The following WWOX variants were observed in gnomAD, a reference collection of about 807,000 sequenced individuals.
WWOX encodes WW domain containing oxidoreductase.
In WWOX, 69 loss-of-function variants were observed where a neutral mutation model predicts 46.2. That is an observed-to-expected ratio of 1.49 (90% CI 1.23 to 1.82). The LOEUF (loss-of-function observed/expected upper bound fraction) is 1.82. Among genes scored for constraint, WWOX ranks in the 40% most tolerant of loss-of-function variants. The pLI, the probability that WWOX is intolerant of heterozygous loss-of-function variation, is 0.00. For missense variants in WWOX, 919 were observed against 542.6 expected (o/e 1.69, Z -6.89); for synonymous variants, 359 against 202.6 (o/e 1.77, Z -6.56).
At chr16:78,387,960 A>G (rs922036219) in intron 6 of WWOX, among the ~76,000 whole-genome samples, 1 of 152,022 alleles carries the variant, frequency 6.6e-6, no homozygotes, top group Non-Finnish European at 1.5e-5. Context: ...CAGTGTTGCA[A>G]GCAGATGAAG....
intron 6 of WWOX, among the ~76,000 whole-genome samples, chr16:78,420,339 C>G (rs1176356704): frequency 6.6e-6 from 1 of 152,086 alleles, no homozygotes; most frequent in Non-Finnish European, 1.5e-5. Context: ...AGTGATATTC[C>G]TAATAGCCAA....
intron 5 of WWOX, among the ~76,000 whole-genome samples, chr16:78,181,890 T>A (rs1474696876): frequency 2.0e-5 from 3 of 152,166 alleles, no homozygotes; most frequent in Non-Finnish European, 2.9e-5. Context: ...AAGGTCTTTA[T>A]TTAAGGAGAA....
chr16:78,904,171 T>G (rs2044899807), intron 8 of WWOX, among the ~76,000 whole-genome samples: 1 of 151,944 alleles, frequency 6.6e-6, no homozygotes, highest in South Asian at 2.1e-4. Flanking sequence ...AGTTTTTCTT[T>G]AAAGCAGAAG....
At chr16:78,514,532 C>G (rs934377594) in intron 8 of WWOX, among the ~76,000 whole-genome samples, 1 of 152,172 alleles carries the variant, frequency 6.6e-6, no homozygotes, top group Non-Finnish European at 1.5e-5. Context: ...CTTAGATAGG[C>G]ATCATTGCCT....
Position 78,548,583 on chromosome 16 carries a change from A to G in WWOX, c.1056+115831A>G, listed in dbSNP as rs540777947. Among the ~76,000 whole-genome samples, 10 of 152,346 alleles carry G rather than the reference A, an allele frequency of 6.6e-5. No homozygotes were observed. In the South Asian group the frequency reaches 2.1e-3, roughly 32 times the overall value. On this transcript the variant is annotated intron_variant, in intron 8 of 8. Coordinates refer to ENST00000566780, the MANE Select transcript of WWOX (RefSeq NM_016373.4). ...TTTAACTTTCACTTCCCATCAATTT[A>G]AACATCATCTCTCAAGGAACTGATG... is the stretch of plus-strand genomic sequence containing the variant.
chr16:78,113,538 G>C (rs1056781925), intron 3 of WWOX, among the ~76,000 whole-genome samples: 4 of 152,160 alleles, frequency 2.6e-5, no homozygotes, highest in Non-Finnish European at 5.9e-5. Flanking sequence ...CAAGGGCTTT[G>C]GGGGGAACCT....
chr16:79,136,567 A>T (rs2049985732), intron 8 of WWOX, among the ~76,000 whole-genome samples: 1 of 152,088 alleles, frequency 6.6e-6, no homozygotes, highest in Non-Finnish European at 1.5e-5. Flanking sequence ...TGAAATTGTG[A>T]TTGGGAGGAA....
At position 78,722,371 on chromosome 16, in the gene WWOX, C is replaced by T. The variant is rs148052812; in HGVS notation, c.1056+289619C>T. 1.6e-3 allele frequency among the ~76,000 whole-genome samples: 249 copies of T among 152,296 alleles called. 2 individuals are homozygous for T. The highest frequency in any genetic ancestry group is 5.6e-3 in the African/African-American group (231 of 41,574). On this transcript the variant is annotated intron_variant, in intron 8 of 8. Transcript: ENST00000566780. Reference sequence around the variant, plus strand: ...AAAATGGAGATCGCAGTATCTAACTCATGGGTGTGTTTAAGGATTCAGTGA... The same window carrying T: ...AAAATGGAGATCGCAGTATCTAACTTATGGGTGTGTTTAAGGATTCAGTGA...
At chr16:78,333,847 C>G (rs867523570) in intron 5 of WWOX, among the ~76,000 whole-genome samples, 1 of 152,186 alleles carries the variant, frequency 6.6e-6, no homozygotes, top group Admixed American at 6.5e-5. Flanking sequence ...TAAGAAGTTT[C>G]ATTTAAGGTA....
In WWOX at chr16:78,986,263, T is replaced by C. The variant is rs534943941; in HGVS notation, c.1057-225345T>C. Among the ~76,000 whole-genome samples the C allele has an allele frequency of 4.6e-5, 7 of 152,284 alleles. 1 individual carries two copies. The East Asian group carries it at 7.7e-4, about 17-fold the overall frequency. On this transcript the variant is annotated intron_variant, in intron 8 of 8. Coordinates refer to ENST00000566780, the MANE Select transcript of WWOX (RefSeq NM_016373.4). ...AAACTTATTGAAAATAGTTAATCAG[T>C]TTTACAAAGATGCCATAGGTAGAGG...
intron 5 of WWOX, among the ~76,000 whole-genome samples, chr16:78,366,228 C>T (rs1321491114): frequency 6.6e-6 from 1 of 152,174 alleles, no homozygotes; most frequent in East Asian, 1.9e-4. Context: ...TGATAGAAAA[C>T]ATTTAACGCT....
chr16:78,377,847 G>A (rs1408792137), intron 5 of WWOX, among the ~76,000 whole-genome samples: 1 of 152,076 alleles, frequency 6.6e-6, no homozygotes, highest in African/African-American at 2.4e-5. Flanking sequence ...ATTTCTCCTT[G>A]AATAGACTTA....
intron 8 of WWOX, among the ~76,000 whole-genome samples, chr16:79,103,652 T>G (rs2049248120): frequency 6.6e-6 from 1 of 152,230 alleles, no homozygotes; most frequent in Non-Finnish European, 1.5e-5. Flanking sequence ...CAGTAACATT[T>G]AAAATGACCT....
chr16:78,638,036 C>T (rs1282325137), intron 8 of WWOX, among the ~76,000 whole-genome samples: 2 of 152,188 alleles, frequency 1.3e-5, no homozygotes, highest in African/African-American at 4.8e-5. Flanking sequence ...GAAGCTTGCT[C>T]ACATCATCCA....
intron 8 of WWOX, among the ~76,000 whole-genome samples, chr16:79,070,034 A>T (rs1013467984): frequency 8.5e-5 from 13 of 152,224 alleles, no homozygotes; most frequent in African/African-American, 3.1e-4. Context: ...TTTATTTCCT[A>T]TTCCAAAATA....
At chr16:78,947,251 A>G (rs1047606678) in intron 8 of WWOX, among the ~76,000 whole-genome samples, 3 of 152,122 alleles carry the variant, frequency 2.0e-5, no homozygotes, top group Admixed American at 6.5e-5. Flanking sequence ...TAAATGTTAT[A>G]TTTTCTCAAG....
At chr16:78,515,067 A>G (rs1415065047) in intron 8 of WWOX, among the ~76,000 whole-genome samples, 1 of 151,858 alleles carries the variant, frequency 6.6e-6, no homozygotes, top group East Asian at 1.9e-4. Context: ...TAAAAATACA[A>G]AAAAAAATTA....
intron 8 of WWOX, among the ~76,000 whole-genome samples, chr16:79,160,317 A>G (rs575750391): frequency 1.6e-4 from 25 of 152,268 alleles, no homozygotes; most frequent in Middle Eastern, 3.4e-3. Flanking sequence ...ACTCCATGCA[A>G]CACAGTGGGT....
rs751932694 is a variant in WWOX at position 79,119,985 on chromosome 16, C to A, written c.1057-91623C>A. Among the ~76,000 whole-genome samples, 10 of 152,100 alleles carry A rather than the reference C, an allele frequency of 6.6e-5. No homozygotes were observed. The East Asian group carries it at 1.7e-3, about 26-fold the overall frequency. On this transcript the variant is annotated intron_variant, in intron 8 of 8. Transcript: ENST00000566780. Reference sequence around the variant, plus strand: ...GACAAGACTCCACTTTCCTACAGTCCAGTGTCAGTGGCTGGACAACATAAC... The same window carrying A: ...GACAAGACTCCACTTTCCTACAGTCAAGTGTCAGTGGCTGGACAACATAAC...
Sources: gnomAD v4.1 joint callset for allele counts (sites outside exome capture counted in the v4.1 genomes callset) on GRCh38, gnomAD v4.1.1 for gene constraint, MANE v1.5 for transcripts, NCBI Gene and HGNC (gene_info 2026-07-23, HGNC 2026-07-21) for gene names.